SORCS2: variants seen among roughly 807,000 people sequenced by gnomAD.
SORCS2 encodes the protein sortilin related VPS10 domain containing receptor 2.
Under a neutral mutation model 141.6 loss-of-function variants are expected in SORCS2, and 100 were observed. That is an observed-to-expected ratio of 0.71 (90% CI 0.60 to 0.83). The LOEUF (loss-of-function observed/expected upper bound fraction) is 0.83. Among genes scored for constraint, SORCS2 ranks in the 40% least tolerant of loss-of-function variants. The pLI, the probability that SORCS2 is intolerant of heterozygous loss-of-function variation, is 0.00. For missense variants in SORCS2, 1,646 were observed against 1,560.2 expected (o/e 1.05, Z -0.93); for synonymous variants, 789 against 676.9 (o/e 1.17, Z -2.57).
At chr4:7,619,967 C>T (rs1244786555) in intron 3 of SORCS2, among the ~76,000 whole-genome samples, 1 of 152,150 alleles carries the variant, frequency 6.6e-6, no homozygotes, top group Non-Finnish European at 1.5e-5. Flanking sequence ...TGGTCTCGCT[C>T]ACTCTAGAAA....
intron 2 of SORCS2, among the ~76,000 whole-genome samples, chr4:7,460,387 G>A (rs963880734): frequency 6.6e-6 from 1 of 152,182 alleles, no homozygotes; most frequent in Non-Finnish European, 1.5e-5. Flanking sequence ...CACTTCTAAG[G>A]TCCAGACATT....
intron 1 of SORCS2, among the ~76,000 whole-genome samples, chr4:7,212,111 G>A (rs1407868521): frequency 1.3e-5 from 2 of 152,182 alleles, no homozygotes; most frequent in African/African-American, 2.4e-5. Flanking sequence ...GGAGCGGAGT[G>A]TAGGAGGGCT....
At chr4:7,676,693 C>T (rs1457544325) in intron 9 of SORCS2, among the ~76,000 whole-genome samples, 1 of 151,080 alleles carries the variant, frequency 6.6e-6, no homozygotes, top group Admixed American at 6.6e-5. Context: ...CTTCCTCTCC[C>T]TCTGTGTGTC....
chr4:7,554,775 T>G (rs1186031243), intron 3 of SORCS2, among the ~76,000 whole-genome samples: 1 of 152,158 alleles, frequency 6.6e-6, no homozygotes, highest in Non-Finnish European at 1.5e-5. Context: ...CTGTGTGGGC[T>G]GAACCCTCCA....
At chr4:7,366,243 C>T (rs1450811526) in intron 1 of SORCS2, among the ~76,000 whole-genome samples, 2 of 151,968 alleles carry the variant, frequency 1.3e-5, no homozygotes, top group South Asian at 4.1e-4. Flanking sequence ...TTCCGTCCTT[C>T]CCTTCCTCTC....
intron 14 of SORCS2, among the ~76,000 whole-genome samples, chr4:7,708,998 C>T (rs1055029019): frequency 3.9e-5 from 6 of 152,204 alleles, no homozygotes; most frequent in South Asian, 2.1e-4. Flanking sequence ...CTCGTGCCCC[C>T]GGAGGCCGTG....
chr4:7,386,560 G>T (rs201943467), intron 1 of SORCS2, among the ~76,000 whole-genome samples: 1 of 66,278 alleles, frequency 1.5e-5, no homozygotes, highest in Admixed American at 1.7e-4. Flanking sequence ...AGATACACAC[G>T]CACATGCACA....
chr4:7,295,944 C>A (rs2108888619), intron 1 of SORCS2, among the ~76,000 whole-genome samples: 1 of 152,318 alleles, frequency 6.6e-6, no homozygotes, highest in Non-Finnish European at 1.5e-5. Flanking sequence ...AAGCCTGTTG[C>A]AGGGGCTTCC....
intron 3 of SORCS2, among the ~76,000 whole-genome samples, chr4:7,619,933 G>A (rs1719043722): frequency 6.6e-6 from 1 of 152,100 alleles, no homozygotes; most frequent in South Asian, 2.1e-4. Context: ...CCCTGCCCCT[G>A]CCCCTGCCCT....
chr4:7,671,589 C>A (rs570450748), intron 8 of SORCS2, among the ~76,000 whole-genome samples: 2 of 152,004 alleles, frequency 1.3e-5, no homozygotes, highest in South Asian at 4.2e-4. Flanking sequence ...TAGAGGGATT[C>A]GAAAGCAGAA....
chr4:7,628,740 C>T (rs541955890), intron 3 of SORCS2, among the ~76,000 whole-genome samples: 162 of 151,910 alleles, frequency 1.1e-3, no homozygotes, highest in African/African-American at 3.7e-3. Flanking sequence ...GGGCTTCCCG[C>T]GGTGGGAGCT....
chr4:7,723,693 G>T lies in SORCS2; in HGVS notation c.2425-4G>T, dbSNP rs766775752. ...CTGAGTGGCCACATGGTGTTTCTCT[G>T]CAGGGTGATGTCCTGACTACCAAGT... is the stretch of plus-strand genomic sequence containing the variant. On this transcript the variant is annotated splice_polypyrimidine_tract_variant and splice_region_variant and intron_variant, in intron 18 of 26. Coordinates refer to ENST00000507866, the MANE Select transcript of SORCS2 (RefSeq NM_020777.3). The T allele has an allele frequency of 3.1e-6, 5 of 1,613,828 alleles. No individual in the cohort carries two copies. The South Asian group carries it at 5.5e-5, about 18-fold the overall frequency.
chr4:7,629,238 T>A (rs1012039408), intron 3 of SORCS2, among the ~76,000 whole-genome samples: 1 of 152,206 alleles, frequency 6.6e-6, no homozygotes, highest in Non-Finnish European at 1.5e-5. Flanking sequence ...CAATTATGAT[T>A]GGTCCATTAG....
chr4:7,388,446 G>A (rs1293402533), intron 1 of SORCS2, among the ~76,000 whole-genome samples: 1 of 152,058 alleles, frequency 6.6e-6, no homozygotes, highest in Non-Finnish European at 1.5e-5. Context: ...TATTTTATTT[G>A]AAAAATGTTT....
intron 8 of SORCS2, 68 bp downstream of exon 8, chr4:7,667,281 C>A (rs1392680932): frequency 2.8e-6 from 4 of 1,426,742 alleles, no homozygotes; most frequent in Admixed American, 1.7e-5. Context: ...CATGGGGCAA[C>A]AGGACTCACA....
intron 2 of SORCS2, among the ~76,000 whole-genome samples, chr4:7,502,231 G>A (rs1015287749): frequency 2.0e-5 from 3 of 152,320 alleles, no homozygotes; most frequent in South Asian, 4.1e-4. Context: ...AATGTGCCCC[G>A]TGAGAGCCGG....
Position 7,192,656 on chromosome 4 carries a change from C to T in SORCS2, c.10C>T (p.Arg4Trp). MAH[R>W]GPSRASKGPG... The stretch of plus-strand genomic sequence containing the variant: ...GCCGCCCCTGGCGACCATGGCGCAC[C>T]GGGGGCCCTCGCGCGCCTCGAAGGG... The change falls in exon 1 of 27, where the codon CGG (arginine) becomes TGG (tryptophan). Residue 4 changes from arginine to tryptophan, a missense_variant. By Grantham distance (101) the Arg-to-Trp change is moderately radical. Coordinates refer to ENST00000507866, the MANE Select transcript of SORCS2 (RefSeq NM_020777.3). The surrounding 1 kb of genome is among the most constrained non-coding windows in gnomAD (Gnocchi z 4.0). 1.0e-6 allele frequency: 1 copy of T among 987,272 alleles called. No homozygotes were observed. Among genetic ancestry groups the T allele is most frequent in the Non-Finnish European group, 1.2e-6 (1 of 832,384 alleles). The allele number at this position is 987,272 out of a possible 1,614,324, so 61.2% of individuals were successfully genotyped here.
chr4:7,530,466 C>T (rs73797019), intron 2 of SORCS2, among the ~76,000 whole-genome samples: 37,797 of 152,180 alleles, frequency 0.25, 5,434 homozygotes, highest in Middle Eastern at 0.35. Flanking sequence ...ATGCTGCCCA[C>T]GACAGGAGCC....
chr4:7,333,266 C>T (rs1719772555), intron 1 of SORCS2, among the ~76,000 whole-genome samples: 1 of 152,206 alleles, frequency 6.6e-6, no homozygotes, highest in Non-Finnish European at 1.5e-5. Flanking sequence ...GTGTTGCTTC[C>T]TCTGCCCCGG....
Sources: gnomAD v4.1 joint callset for allele counts (sites outside exome capture counted in the v4.1 genomes callset) on GRCh38, gnomAD v4.1.1 for gene constraint, Gnocchi (gnomAD v3.1) non-coding constraint, MANE v1.5 for transcripts, NCBI Gene and HGNC (gene_info 2026-07-23, HGNC 2026-07-21) for gene names.